CHRNB2: variants seen among roughly 807,000 people sequenced by gnomAD.
CHRNB2 encodes neuronal acetylcholine receptor subunit beta-2.
A neutral mutation model predicts 42.7 loss-of-function variants in CHRNB2; 33 were observed. The ratio of observed to expected loss-of-function variants is 0.77; its 90% CI spans 0.59 to 1.03. The LOEUF is 1.03. CHRNB2 is among the 50% of genes least tolerant of loss of function. The probability of loss-of-function intolerance (pLI) is 0.00; values close to 1 mark genes in which losing one functional copy is unlikely to be tolerated. For missense variants in CHRNB2, 603 were observed against 700.9 expected, an observed-to-expected ratio of 0.86 and a Z score of 1.58; for synonymous variants, 325 against 292.9, an observed-to-expected ratio of 1.11 and a Z score of -1.12.
Position 154,567,995 on chromosome 1 carries a change from G to T in CHRNB2, c.-50G>T, listed in dbSNP as rs1696090899. On this transcript the variant is annotated 5_prime_UTR_variant, in exon 1 of 6. Transcript: ENST00000368476. ...GCGCCCCACCCGCGGCCCTCCCCCCGGCGGCGCGCTCCAGCCGGTGTAGGC... is the reference window on the plus strand; with the variant it reads ...GCGCCCCACCCGCGGCCCTCCCCCCTGCGGCGCGCTCCAGCCGGTGTAGGC... 1 of 1,482,882 alleles carries T rather than the reference G, an allele frequency of 6.7e-7. No homozygotes were observed. The highest frequency in any genetic ancestry group is 1.3e-5 in the South Asian group (1 of 77,530). The allele number at this position is 1,482,882 out of a possible 1,614,324, so 91.9% of individuals were successfully genotyped here.
In CHRNB2 at chr1:154,568,008, A is replaced by C. The variant is rs1057521624; in HGVS notation, c.-37A>C. The stretch of plus-strand genomic sequence containing the variant: ...GGCCCTCCCCCCGGCGGCGCGCTCC[A>C]GCCGGTGTAGGCGAGGCAGCGAGCT... On this transcript the variant is annotated 5_prime_UTR_variant, in exon 1 of 6. Coordinates refer to ENST00000368476, the MANE Select transcript of CHRNB2 (RefSeq NM_000748.3). 7 of 1,514,486 alleles carry C rather than the reference A, an allele frequency of 4.6e-6. No individual in the cohort carries two copies. Among genetic ancestry groups the C allele is most frequent in the Non-Finnish European group, 6.2e-6 (7 of 1,135,912 alleles). The allele number at this position is 1,514,486 out of a possible 1,614,324, so 93.8% of individuals were successfully genotyped here.
intron 5 of CHRNB2, among the ~76,000 whole-genome samples, chr1:154,575,493 G>T (rs1044366429): frequency 1.3e-5 from 2 of 152,146 alleles, no homozygotes; most frequent in African/African-American, 4.8e-5. Context: ...GGTTTGGTAG[G>T]GCTATGTTAT....
In CHRNB2 at chr1:154,577,761, A is replaced by AG. The variant is rs1696310036; in HGVS notation, c.*1831dup. 6.6e-6 allele frequency: 1 copy of AG among 152,258 alleles called. No individual in the cohort carries two copies. Among genetic ancestry groups the AG allele is most frequent in the South Asian group, 2.1e-4 (1 of 4,834 alleles). The allele number at this position is 152,258 out of a possible 1,614,324, so 9.4% of individuals were successfully genotyped here. Reference sequence around the variant, plus strand: ...CTGGGGGAGCTGGGAGGAACATTACAGGAACACCAGAGGGAGTCTAGCGGG... The same window carrying AG: ...CTGGGGGAGCTGGGAGGAACATTACAGGGAACACCAGAGGGAGTCTAGCGGG... On this transcript the variant is annotated 3_prime_UTR_variant, in exon 6 of 6. Transcript: ENST00000368476.
chr1:154,574,843 A>G (rs1006720462), intron 5 of CHRNB2, among the ~76,000 whole-genome samples: 1 of 152,102 alleles, frequency 6.6e-6, no homozygotes, highest in African/African-American at 2.4e-5. Flanking sequence ...GCTGCTGACT[A>G]AATAAAGATG....
intron 1 of CHRNB2, among the ~76,000 whole-genome samples, chr1:154,569,133 G>C (rs1406847191): frequency 6.6e-6 from 1 of 151,912 alleles, no homozygotes; most frequent in Admixed American, 6.6e-5. Context: ...GTATTTGCTG[G>C]GGAAGCCATG....
Position 154,568,017 on chromosome 1 carries a change from AGGC to A in CHRNB2, c.-26_-24del. ...CCCGGCGGCGCGCTCCAGCCGGTGT[AGGC>A]GAGGCAGCGAGCTATGCCCGCGGCA... On this transcript the variant is annotated 5_prime_UTR_variant, in exon 1 of 6. Coordinates refer to ENST00000368476, the MANE Select transcript of CHRNB2 (RefSeq NM_000748.3). The A allele has an allele frequency of 6.4e-7, 1 of 1,553,482 alleles. No individual in the cohort carries two copies. The highest frequency in any genetic ancestry group is 8.7e-7 in the Non-Finnish European group (1 of 1,153,806).
At chr1:154,569,709 G>A in intron 2 of CHRNB2, 83 bp from the exon 3 acceptor site, 1 of 1,612,872 alleles carries the variant, frequency 6.2e-7, no homozygotes, top group Non-Finnish European at 8.5e-7. Flanking sequence ...CAAGGCTTGG[G>A]GAGGTGTGAG....
intron 5 of CHRNB2, among the ~76,000 whole-genome samples, chr1:154,573,248 C>T (rs948591545): frequency 2.6e-5 from 4 of 152,104 alleles, no homozygotes; most frequent in African/African-American, 4.8e-5. Context: ...CTGTGGTTAC[C>T]GCCTCCACCT....
rs1696272708 is a variant in CHRNB2, at chr1:154,576,173, T to A, written c.*241T>A. 1.8e-6 allele frequency: 1 copy of A among 568,694 alleles called. No homozygotes were observed. Among genetic ancestry groups the A allele is most frequent in the Admixed American group, 2.7e-5 (1 of 36,596 alleles). The allele number at this position is 568,694 out of a possible 1,614,324, so 35.2% of individuals were successfully genotyped here. On this transcript the variant is annotated 3_prime_UTR_variant, in exon 6 of 6. Coordinates refer to ENST00000368476, the MANE Select transcript of CHRNB2 (RefSeq NM_000748.3). Reference sequence around the variant, plus strand: ...CCATCTCTTGTACCAGCCCAGGCAATAGTGTTGAGGAGGGGAGCAAGGCTG... The same window carrying A: ...CCATCTCTTGTACCAGCCCAGGCAAAAGTGTTGAGGAGGGGAGCAAGGCTG...
rs1413840449 is a variant in CHRNB2 at position 154,568,113 on chromosome 1, G to C, written c.64+5G>C. 6.3e-7 allele frequency: 1 copy of C among 1,599,320 alleles called. No individual in the cohort carries two copies. Among genetic ancestry groups the C allele is most frequent in the Non-Finnish European group, 8.5e-7 (1 of 1,173,724 alleles). On this transcript the variant is annotated splice_donor_5th_base_variant and intron_variant, in intron 1 of 5. Coordinates refer to ENST00000368476, the MANE Select transcript of CHRNB2 (RefSeq NM_000748.3). Reference sequence around the variant, plus strand: ...GCCTCCTCCGGCTGTGCTCAGGTAAGGGAAAGACGGGCACTGGCCAGGTTC... The same window carrying C: ...GCCTCCTCCGGCTGTGCTCAGGTAACGGAAAGACGGGCACTGGCCAGGTTC...
At chr1:154,572,530 C>T (rs558337162) in intron 5 of CHRNB2, among the ~76,000 whole-genome samples, 4 of 152,222 alleles carry the variant, frequency 2.6e-5, no homozygotes, top group East Asian at 1.9e-4. Flanking sequence ...CCCCACCCCC[C>T]GCTGCTTGCA....
At chr1:154,568,807 G>A (rs771840631) in intron 1 of CHRNB2, among the ~76,000 whole-genome samples, 1 of 151,924 alleles carries the variant, frequency 6.6e-6, no homozygotes, top group South Asian at 2.1e-4. Context: ...CTCTAGGGGT[G>A]GGCTGCTGTG....
Position 154,571,048 on chromosome 1 carries a change from T to A in CHRNB2, c.366-141T>A. The A allele has an allele frequency of 6.7e-7, 1 of 1,487,070 alleles. No individual in the cohort carries two copies. The highest frequency in any genetic ancestry group is 9.2e-7 in the Non-Finnish European group (1 of 1,085,846). 92.1% of individuals were successfully genotyped at this position (1,487,070 alleles called of 1,614,324 possible). On this transcript the variant is annotated intron_variant, in intron 4 of 5. Coordinates refer to ENST00000368476, the MANE Select transcript of CHRNB2 (RefSeq NM_000748.3). This position sits in a 1 kb window ranked among gnomAD's most constrained non-coding sequence, Gnocchi z 6.8. The stretch of plus-strand genomic sequence containing the variant: ...CTTGCTCAATTCCACCTCTCTATAC[T>A]CCTGGATGGTTACTCTCAGATCTGG...
In CHRNB2 at chr1:154,571,497, C is replaced by T. The variant is rs201952018; in HGVS notation, c.674C>T (p.Thr225Met). The change falls in exon 5 of 6, where the codon ACG (threonine) becomes ATG (methionine). Residue 225 changes from threonine (T) to methionine (M), a missense_variant. Transcript: ENST00000368476. This position sits in a 1 kb window ranked among gnomAD's most constrained non-coding sequence, Gnocchi z 6.8. ...NPDDSTYVDI[T>M]YDFIIRRKPL... ...GACGACTCTACGTACGTGGACATCA[C>T]GTATGACTTCATCATTCGCCGCAAG... 5 of 1,613,874 alleles carry T rather than the reference C, an allele frequency of 3.1e-6. No individual in the cohort carries two copies. The highest frequency in any genetic ancestry group is 2.7e-5 in the African/African-American group (2 of 74,920).
chr1:154,571,213 C>T lies in CHRNB2; in HGVS notation c.390C>T (p.Ser130=). 3 of 1,614,188 alleles carry T rather than the reference C, an allele frequency of 1.9e-6. No homozygotes were observed. Among genetic ancestry groups the T allele is most frequent in the Non-Finnish European group, 2.5e-6 (3 of 1,180,054 alleles). Residue 130 remains serine, a synonymous_variant, in exon 5 of 6, where the codon TCC becomes TCT. Transcript: ENST00000368476. The surrounding 1 kb of genome is among the most constrained non-coding windows in gnomAD (Gnocchi z 6.8). ...YNNADGMYEV[S]FYSNAVVSYD... Reference sequence around the variant, plus strand: ...GTGCTGACGGCATGTACGAGGTGTCCTTCTATTCCAATGCCGTGGTCTCCT... The same window carrying T: ...GTGCTGACGGCATGTACGAGGTGTCTTTCTATTCCAATGCCGTGGTCTCCT...
At position 154,576,450 on chromosome 1, in the gene CHRNB2, G is replaced by A; in HGVS notation, c.*518G>A. The A allele has an allele frequency of 4.2e-6, 1 of 239,206 alleles. No homozygotes were observed. The highest frequency in any genetic ancestry group is 1.0e-4 in the East Asian group (1 of 9,652). 14.8% of individuals were successfully genotyped at this position (239,206 alleles called of 1,614,324 possible). A position where few individuals can be genotyped will look rare whatever the true frequency, so the allele number is the denominator to read the frequency against. ...CTTGAGTGGACAGCAGCTGGACTGG[G>A]TGGGCCCCACAGTGGTCAGCGATTC... On this transcript the variant is annotated 3_prime_UTR_variant, in exon 6 of 6. Transcript: ENST00000368476.
Position 154,568,075 on chromosome 1 carries a change from C to T in CHRNB2, c.31C>T (p.Leu11Phe), listed in dbSNP as rs1411398183. MARRCGPVAL[L>F]LGFGLLRLCS... ...CCGGCGCTGCGGCCCCGTGGCGCTG[C>T]TCCTTGGCTTCGGCCTCCTCCGGCT... Residue 11 changes from leucine (L) to phenylalanine (F), a missense_variant, in exon 1 of 6, where the codon CTC becomes TTC. Transcript: ENST00000368476. 1.9e-6 allele frequency: 3 copies of T among 1,604,260 alleles called. No homozygotes were observed. The African/African-American group carries it at 4.0e-5, about 21-fold the overall frequency.
rs1696185208 is a variant in CHRNB2 at position 154,572,147 on chromosome 1, G to A, written c.1324G>A (p.Asp442Asn). 4 of 1,537,844 alleles carry A rather than the reference G, an allele frequency of 2.6e-6. No homozygotes were observed. The highest frequency in any genetic ancestry group is 1.4e-5 in the African/African-American group (1 of 73,108). The change falls in exon 5 of 6, where the codon GAC becomes AAC. Residue 442 changes from aspartate to asparagine, a missense_variant. By Grantham distance (23) the Asp-to-Asn change is conservative. Transcript: ENST00000368476. ...RFIADHMRSEDDDQSVSEDWK... is the reference protein window; with the variant it reads ...RFIADHMRSENDDQSVSEDWK... ...CATCGCAGACCACATGCGGAGCGAG[G>A]ACGATGACCAGAGCGTGAGTGCCGC...
At chr1:154,573,425 G>A (rs887478801) in intron 5 of CHRNB2, among the ~76,000 whole-genome samples, 7 of 152,112 alleles carry the variant, frequency 4.6e-5, no homozygotes, top group African/African-American at 1.4e-4. Context: ...TTTAGTACAC[G>A]GCATCACCAT....
Sources: allele counts gnomAD v4.1 joint callset (sites outside exome capture counted in the v4.1 genomes callset), GRCh38; gene constraint gnomAD v4.1.1; non-coding constraint Gnocchi (gnomAD v3.1); transcripts MANE v1.5; gene names NCBI Gene and HGNC (gene_info 2026-07-23, HGNC 2026-07-21).